The following RBFOX1 variants were observed in gnomAD, a reference collection of about 807,000 sequenced individuals.
RBFOX1 encodes the protein RNA binding protein fox-1 homolog 1.
RBFOX1 carries 8 observed loss-of-function variants against 57.7 expected under a neutral mutation model. The ratio of observed to expected loss-of-function variants is 0.14; its 90% CI spans 0.08 to 0.25. The LOEUF (loss-of-function observed/expected upper bound fraction) is 0.25, where lower values mean the gene tolerates loss of function less well. Among genes scored for constraint, RBFOX1 ranks in the 10% least tolerant of loss-of-function variants. RBFOX1 has a pLI of 1.00. For missense variants in RBFOX1, 611 were observed against 548.5 expected (o/e 1.11, Z -1.14); for synonymous variants, 326 against 222.4 (o/e 1.47, Z -4.15).
intron 4 of RBFOX1, among the ~76,000 whole-genome samples, chr16:7,176,578 C>G (rs1335205235): frequency 6.6e-6 from 1 of 152,128 alleles, no homozygotes; most frequent in East Asian, 1.9e-4. Context: ...TCGATTATGG[C>G]TGTGTTTGTG....
intron 4 of RBFOX1, among the ~76,000 whole-genome samples, chr16:7,506,002 G>A (rs1346875610): frequency 2.0e-5 from 3 of 151,764 alleles, no homozygotes; most frequent in Non-Finnish European, 2.9e-5. Context: ...TGTCTAACAT[G>A]GTGAAACACC....
intron 1 of RBFOX1, among the ~76,000 whole-genome samples, chr16:6,156,283 C>T (rs769725510): frequency 2.0e-5 from 3 of 152,248 alleles, no homozygotes; most frequent in African/African-American, 7.2e-5. Flanking sequence ...GCTTCCCCCA[C>T]AGCTAATGGA....
intron 1 of RBFOX1, among the ~76,000 whole-genome samples, chr16:6,220,136 A>C (rs1370305957): frequency 6.6e-6 from 1 of 152,050 alleles, no homozygotes; most frequent in Admixed American, 6.6e-5. Flanking sequence ...TATATCATCT[A>C]TCTCGATATA....
intron 1 of RBFOX1, among the ~76,000 whole-genome samples, chr16:6,190,463 C>T (rs553694156): frequency 1.3e-5 from 2 of 152,262 alleles, no homozygotes; most frequent in African/African-American, 4.8e-5. Flanking sequence ...GAATGAACTA[C>T]TTAGTTTTCT....
chr16:5,556,456 G>C (rs568010376), intron 2 of RBFOX1, among the ~76,000 whole-genome samples: 27 of 152,340 alleles, frequency 1.8e-4, no homozygotes, highest in Non-Finnish European at 3.5e-4. Context: ...CATTAGTTCA[G>C]AGAATGGGAA....
At chr16:6,786,561 A>G (rs978440284) in intron 3 of RBFOX1, among the ~76,000 whole-genome samples, 2 of 152,158 alleles carry the variant, frequency 1.3e-5, no homozygotes, top group Non-Finnish European at 2.9e-5. Flanking sequence ...CAGTAAGCCA[A>G]AAAACCTCTC....
intron 3 of RBFOX1, among the ~76,000 whole-genome samples, chr16:6,831,991 G>A (rs944492701): frequency 2.0e-5 from 3 of 152,210 alleles, no homozygotes; most frequent in Non-Finnish European, 2.9e-5. Flanking sequence ...GGAATATACC[G>A]AATGGTATCA....
intron 4 of RBFOX1, among the ~76,000 whole-genome samples, chr16:7,498,068 G>C (rs1463754288): frequency 2.6e-5 from 4 of 152,198 alleles, no homozygotes; most frequent in Non-Finnish European, 5.9e-5. Flanking sequence ...TAAAGTGAAA[G>C]TTATGTTCTG....
chr16:7,384,875 T>A (rs1270544746), intron 4 of RBFOX1, among the ~76,000 whole-genome samples: 1 of 152,196 alleles, frequency 6.6e-6, no homozygotes, highest in African/African-American at 2.4e-5. Flanking sequence ...TAAATAACTG[T>A]GTAAATTAAT....
At chr16:7,365,108 A>G (rs2097416273) in intron 4 of RBFOX1, among the ~76,000 whole-genome samples, 1 of 152,110 alleles carries the variant, frequency 6.6e-6, no homozygotes, top group Non-Finnish European at 1.5e-5. Context: ...TATCCATCCC[A>G]ATACAAACCA....
At chr16:6,053,138 A>G (rs984456315) in intron 1 of RBFOX1, among the ~76,000 whole-genome samples, 3 of 152,154 alleles carry the variant, frequency 2.0e-5, no homozygotes, top group Non-Finnish European at 2.9e-5. Flanking sequence ...CCTTACACAC[A>G]GTGAGGCCTC....
intron 1 of RBFOX1, among the ~76,000 whole-genome samples, chr16:6,287,157 C>T (rs1233147734): frequency 6.6e-6 from 1 of 152,110 alleles, no homozygotes; most frequent in African/African-American, 2.4e-5. Context: ...ACGACAGGCA[C>T]AAAAAACTCC....
At chr16:5,836,488 C>T (rs1376354894) in intron 3 of RBFOX1, among the ~76,000 whole-genome samples, 1 of 152,190 alleles carries the variant, frequency 6.6e-6, no homozygotes, top group East Asian at 1.9e-4. Context: ...CCATGACCCA[C>T]CTTCTTCTTT....
At chr16:7,211,480 C>G (rs1209202290) in intron 4 of RBFOX1, among the ~76,000 whole-genome samples, 1 of 150,478 alleles carries the variant, frequency 6.6e-6, no homozygotes, top group African/African-American at 2.4e-5. Context: ...GATAGAAATT[C>G]TAGGCTCTAG....
At chr16:6,960,175 C>T (rs77742869) in intron 3 of RBFOX1, among the ~76,000 whole-genome samples, 8,222 of 152,156 alleles carry the variant, frequency 0.054, 262 homozygotes, top group South Asian at 0.09. Context: ...CTCCCCACAC[C>T]TCCATGATTT....
At chr16:6,765,640 C>G (rs1304072872) in intron 3 of RBFOX1, among the ~76,000 whole-genome samples, 2 of 152,182 alleles carry the variant, frequency 1.3e-5, no homozygotes, top group Admixed American at 6.5e-5. Flanking sequence ...AGCAATCACT[C>G]TACCCAATAC....
intron 3 of RBFOX1, among the ~76,000 whole-genome samples, chr16:5,717,576 C>G (rs1484002665): frequency 1.3e-5 from 2 of 152,102 alleles, no homozygotes; most frequent in African/African-American, 4.8e-5. Context: ...AGCTTAGCTC[C>G]CACTTATAAG....
intron 3 of RBFOX1, among the ~76,000 whole-genome samples, chr16:7,029,083 C>CATATATATATATATATATAT (rs1335394204): frequency 6.0e-4 from 4 of 6,710 alleles, no homozygotes; most frequent in Non-Finnish European, 2.6e-4. Flanking sequence ...TATATATATA[C>CATATATATATATATATATAT]ACACACACAC....
intron 14 of RBFOX1, among the ~76,000 whole-genome samples, chr16:7,708,312 C>A (rs189728118): frequency 6.6e-6 from 1 of 152,076 alleles, no homozygotes; most frequent in Admixed American, 6.5e-5. Flanking sequence ...ATCTCTTCTC[C>A]ATTTTTATCC....
Sources: gnomAD v4.1 joint callset for allele counts (sites outside exome capture counted in the v4.1 genomes callset) on GRCh38, gnomAD v4.1.1 for gene constraint, MANE v1.5 for transcripts, NCBI Gene and HGNC (gene_info 2026-07-23, HGNC 2026-07-21) for gene names.